C17orf99: variants seen among roughly 807,000 people sequenced by gnomAD.
The protein encoded by C17orf99 is protein IL-40.
C17orf99 carries 18 observed loss-of-function variants against 22.6 expected under a neutral mutation model. That is an observed-to-expected ratio of 0.80 (90% CI 0.55 to 1.18). The LOEUF is 1.18. Among genes scored for constraint, C17orf99 ranks in the 50% most tolerant of loss-of-function variants. C17orf99 has a pLI of 0.00. For synonymous variants in C17orf99, 147 were observed against 136.6 expected (o/e 1.08, Z -0.53); for missense variants, 328 against 342.7 (o/e 0.96, Z 0.34).
Position 78,165,780 on chromosome 17 carries a change from C to T in C17orf99, c.641-109C>T, listed in dbSNP as rs142542068. 8.8e-4 allele frequency: 1,103 copies of T among 1,257,660 alleles called. 4 individuals are homozygous for T. In the African/African-American group the frequency reaches 0.015, roughly 17 times the overall value. 77.9% of individuals were successfully genotyped at this position (1,257,660 alleles called of 1,614,324 possible). A position where few individuals can be genotyped will look rare whatever the true frequency, so the allele number is the denominator to read the frequency against. Reference sequence around the variant, plus strand: ...TCGTGCCATTGCACTCCAGCCTGGACAAAAAGAGCAAAACTCCGTCTCAAA... The same window carrying T: ...TCGTGCCATTGCACTCCAGCCTGGATAAAAAGAGCAAAACTCCGTCTCAAA... On this transcript the variant is annotated intron_variant, in intron 4 of 4. Coordinates refer to ENST00000340363, the MANE Select transcript of C17orf99 (RefSeq NM_001163075.2).
rs185252514 is a variant in C17orf99 at position 78,160,967 on chromosome 17, T to C, written c.83T>C (p.Val28Ala). Residue 28 changes from valine (V) to alanine (A), a missense_variant, in exon 3 of 5, where the codon GTG (valine) becomes GCG (alanine). Coordinates refer to ENST00000340363, the MANE Select transcript of C17orf99 (RefSeq NM_001163075.2). Reference protein sequence around the residue: ...SKAREEEITPVVSIAYKVLEV... With the variant: ...SKAREEEITPAVSIAYKVLEV... ...TTTCATCTCCCAGAAATTACCCCTG[T>C]GGTCTCCATTGCCTACAAAGTCCTG... 1.3e-4 allele frequency: 195 copies of C among 1,550,742 alleles called. No individual in the cohort carries two copies. The African/African-American group carries it at 2.5e-3, about 20-fold the overall frequency.
chr17:78,162,452 C>T lies in C17orf99; in HGVS notation c.370+1198C>T, dbSNP rs373435209. ...GGTATGGGAACCAGGAAGTGTTGCC[C>T]GACTTAGGGTGGGACAAGGAATCGC... On this transcript the variant is annotated intron_variant, in intron 3 of 4. Transcript: ENST00000340363. 7.3e-5 allele frequency among the ~76,000 whole-genome samples: 11 copies of T among 151,534 alleles called. No individual in the cohort carries two copies. The East Asian group carries it at 9.7e-4, about 13-fold the overall frequency.
chr17:78,155,125 T>C (rs1257709849), intron 2 of C17orf99, among the ~76,000 whole-genome samples: 1 of 84,850 alleles, frequency 1.2e-5, no homozygotes, highest in Non-Finnish European at 2.1e-5. Context: ...GCAACCCCTA[T>C]TTTTTTTTTT....
At position 78,160,963 on chromosome 17, in the gene C17orf99, C is replaced by T. The variant is rs72898209; in HGVS notation, c.79C>T (p.Pro27Ser). ...FSKAREEEIT[P>S]VVSIAYKVLE... Reference sequence around the variant, plus strand: ...ACCTTTTCATCTCCCAGAAATTACCCCTGTGGTCTCCATTGCCTACAAAGT... The same window carrying T: ...ACCTTTTCATCTCCCAGAAATTACCTCTGTGGTCTCCATTGCCTACAAAGT... Residue 27 changes from proline to serine, a missense_variant, in exon 3 of 5, where the codon CCT becomes TCT. Coordinates refer to ENST00000340363, the MANE Select transcript of C17orf99 (RefSeq NM_001163075.2). 18,286 of 1,550,452 alleles carry T rather than the reference C, an allele frequency of 0.012. 242 individuals carry two copies. Among genetic ancestry groups the T allele is most frequent in the South Asian group, 0.046 (3,868 of 84,042 alleles).
In C17orf99 at chr17:78,161,002, C is replaced by T; in HGVS notation, c.118C>T (p.Pro40Ser). ...TGCCTACAAAGTCCTGGAAGTTTTC[C>T]CCAAAGGCCGCTGGGTGCTCATAAC... ...SIAYKVLEVF[P>S]KGRWVLITCC... The change falls in exon 3 of 5, where the codon CCC (proline) becomes TCC (serine). Residue 40 changes from proline to serine, a missense_variant. Physicochemically the swap from Pro to Ser is moderately conservative, Grantham distance 74. Transcript: ENST00000340363. 4.5e-6 allele frequency: 7 copies of T among 1,551,624 alleles called. No individual in the cohort carries two copies. Among genetic ancestry groups the T allele is most frequent in the Non-Finnish European group, 6.1e-6 (7 of 1,146,962 alleles).
intron 4 of C17orf99, chr17:78,164,568 G>A (rs1190944445): frequency 2.0e-6 from 3 of 1,531,568 alleles, no homozygotes; most frequent in Admixed American, 2.0e-5. Context: ...CCTCCCAGGA[G>A]GGTTGCCCAG....
intron 2 of C17orf99, among the ~76,000 whole-genome samples, chr17:78,151,423 CAAAAAAAAAAAA>C (rs35828431): frequency 1.6e-4 from 9 of 56,180 alleles, no homozygotes; most frequent in African/African-American, 3.4e-4. Flanking sequence ...GACTCTGTCT[CAAAAAAAAAAAA>C]AAAAAAAAAA....
intron 2 of C17orf99, chr17:78,158,099 C>T: frequency 1.1e-6 from 1 of 946,990 alleles, no homozygotes; most frequent in Non-Finnish European, 1.7e-6. Context: ...TGAGGGAGAC[C>T]TTGGCAAAGA....
In C17orf99 at chr17:78,166,162, A is replaced by AG. The variant is rs2075616379; in HGVS notation, c.*116_*117insG. The AG allele has an allele frequency of 2.6e-6, 1 of 381,810 alleles. No individual in the cohort carries two copies. The highest frequency in any genetic ancestry group is 4.7e-6 in the Non-Finnish European group (1 of 213,498). The allele number at this position is 381,810 out of a possible 1,614,324, so 23.7% of individuals were successfully genotyped here. On this transcript the variant is annotated 3_prime_UTR_variant, in exon 5 of 5. Coordinates refer to ENST00000340363, the MANE Select transcript of C17orf99 (RefSeq NM_001163075.2). ...TTTTAGCTGCTCTTGCCACAAAAAA[A>AG]AAAAAAAAAAAAAAAGGGTAACTAT...
intron 3 of C17orf99, 122 bp from the exon 4 acceptor site, chr17:78,163,972 GC>G (rs1055706948): frequency 1.2e-6 from 1 of 829,548 alleles, no homozygotes; most frequent in Admixed American, 2.2e-5. Flanking sequence ...CTAGAAGGCG[GC>G]CTGGAGGAGG....
At chr17:78,165,239 T>G in intron 4 of C17orf99, 4 of 988,560 alleles carry the variant, frequency 4.0e-6, no homozygotes, top group Non-Finnish European at 4.8e-6. Flanking sequence ...TCATCTCTCT[T>G]TGTTTGGGAG....
chr17:78,161,314 C>T lies in C17orf99; in HGVS notation c.370+60C>T, dbSNP rs76359059. The T allele has an allele frequency of 2.3e-3, 3,179 of 1,406,022 alleles. 9 individuals carry two copies. Among genetic ancestry groups the T allele is most frequent in the African/African-American group, 0.017 (1,218 of 70,008 alleles). 87.1% of individuals were successfully genotyped at this position (1,406,022 alleles called of 1,614,324 possible). A position where few individuals can be genotyped will look rare whatever the true frequency, so the allele number is the denominator to read the frequency against. ...AGGTGGGGTGCAGATCAATGGGGAG[C>T]TCTGGGAGTGGGGATTGTGAACCTT... is the stretch of plus-strand genomic sequence containing the variant. On this transcript the variant is annotated intron_variant, in intron 3 of 4. Coordinates refer to ENST00000340363, the MANE Select transcript of C17orf99 (RefSeq NM_001163075.2).
chr17:78,157,315 G>C (rs1279396865), intron 2 of C17orf99: 1 of 519,656 alleles, frequency 1.9e-6, no homozygotes, highest in Non-Finnish European at 3.2e-6. Context: ...TGCGTACTAA[G>C]ACCTGTGTTC....
At chr17:78,164,938 G>A (rs2075607103) in intron 4 of C17orf99, 1 of 1,151,624 alleles carries the variant, frequency 8.7e-7, no homozygotes, top group Non-Finnish European at 1.1e-6. Context: ...GCCTCTGGGA[G>A]GGCAGTCTCC....
intron 2 of C17orf99, among the ~76,000 whole-genome samples, chr17:78,155,474 C>A (rs974926472): frequency 6.6e-6 from 1 of 151,910 alleles, no homozygotes; most frequent in Non-Finnish European, 1.5e-5. Context: ...TTCTTTTTTT[C>A]TTTTTAATTT....
At chr17:78,161,347 T>C in intron 3 of C17orf99, 93 bp downstream of exon 3, 1 of 1,145,036 alleles carries the variant, frequency 8.7e-7, no homozygotes, top group East Asian at 2.6e-5. Context: ...CTTGCTGGGG[T>C]TAGAGAGAGC....
chr17:78,154,460 A>C (rs1411770216), intron 2 of C17orf99, among the ~76,000 whole-genome samples: 1 of 152,076 alleles, frequency 6.6e-6, no homozygotes, highest in Non-Finnish European at 1.5e-5. Flanking sequence ...AGGCAGGAGA[A>C]TCGCTTGAAC....
At position 78,161,236 on chromosome 17, in the gene C17orf99, C is replaced by T. The variant is rs767315459; in HGVS notation, c.352C>T (p.His118Tyr). 16 of 1,551,544 alleles carry T rather than the reference C, an allele frequency of 1.0e-5. No individual in the cohort carries two copies. The highest frequency in any genetic ancestry group is 8.7e-7 in the Non-Finnish European group (1 of 1,146,912). ...AHVDSARLQM[H>Y]WELWSKPVSE... ...TGTGGACAGTGCCAGGCTACAGATG[C>T]ACTGGGAGCTGTGGTCCAGTGAGTG... Residue 118 changes from histidine (H) to tyrosine (Y), a missense_variant, in exon 3 of 5, where the codon CAC (histidine) becomes TAC (tyrosine). Physicochemically the swap from His to Tyr is moderately conservative, Grantham distance 83 (BLOSUM62 2). Transcript: ENST00000340363.
At chr17:78,165,856 C>G (rs2075613377) in intron 4 of C17orf99, 33 bp from the exon 5 acceptor site, 1 of 1,291,726 alleles carries the variant, frequency 7.7e-7, no homozygotes, top group Non-Finnish European at 9.9e-7. Context: ...GGAGGTGAGC[C>G]TGCCTGACTT....
Sources: allele counts gnomAD v4.1 joint callset (sites outside exome capture counted in the v4.1 genomes callset), GRCh38; gene constraint gnomAD v4.1.1; transcripts MANE v1.5; gene names NCBI Gene and HGNC (gene_info 2026-07-23, HGNC 2026-07-21).